Variants in CDH1 observed in about 807,000 individuals in gnomAD.
The protein encoded by CDH1 is cadherin-1.
In CDH1, 35 loss-of-function variants were observed where a neutral mutation model predicts 84.5. The observed-to-expected ratio is 0.41, with a 90% CI of 0.32 to 0.55. CDH1 has a LOEUF of 0.55. Among genes scored for constraint, CDH1 ranks in the 20% least tolerant of loss-of-function variants. CDH1 has a pLI of 0.19. For synonymous variants in CDH1, 417 were observed against 439.0 expected (o/e 0.95, Z 0.63); for missense variants, 994 against 1,126.6 (o/e 0.88, Z 1.68).
At chr16:68,763,372 A>T (rs1292805290) in intron 2 of CDH1, 1 of 152,290 alleles carries the variant, frequency 6.6e-6, no homozygotes, top group Non-Finnish European at 1.5e-5. Context: ...GGAAAATGGG[A>T]CAGGAGCCTT....
In CDH1 at chr16:68,737,449, C is replaced by T. The variant is rs781696878; in HGVS notation, c.34C>T (p.Leu12=). Reference sequence around the variant, plus strand: ...TTGGAGCCGCAGCCTCTCGGCGCTGCTGCTGCTGCTGCAGGTACCCCGGAT... The same window carrying T: ...TTGGAGCCGCAGCCTCTCGGCGCTGTTGCTGCTGCTGCAGGTACCCCGGAT... ...GPWSRSLSAL[L]LLLQVSSWLC... The change falls in exon 1 of 16, where the codon CTG becomes TTG. Residue 12 remains leucine, a synonymous_variant. Coordinates refer to ENST00000261769, the MANE Select transcript of CDH1 (RefSeq NM_004360.5). 5.2e-6 allele frequency: 8 copies of T among 1,535,908 alleles called. No homozygotes were observed. Among genetic ancestry groups the T allele is most frequent in the South Asian group, 2.4e-5 (2 of 83,980 alleles).
At chr16:68,832,586 G>A (rs1261700187) in intron 15 of CDH1, among the ~76,000 whole-genome samples, 2 of 152,108 alleles carry the variant, frequency 1.3e-5, no homozygotes, top group East Asian at 1.9e-4. Flanking sequence ...TTGGGAGGCC[G>A]AGGCAGGTGG....
chr16:68,818,260 G>GA (rs993742961), intron 10 of CDH1, among the ~76,000 whole-genome samples: 12 of 142,112 alleles, frequency 8.4e-5, no homozygotes, highest in South Asian at 2.2e-4. Flanking sequence ...AAAAAGAAAA[G>GA]AAAAAAAAAG....
chr16:68,810,145 C>T (rs1960777392), intron 5 of CDH1, 52 bp from the exon 6 acceptor site: 1 of 1,609,366 alleles, frequency 6.2e-7, no homozygotes, highest in African/African-American at 1.3e-5. Flanking sequence ...GCCCCTTCTC[C>T]CATGTTTTCT....
In CDH1 at chr16:68,745,084, G is replaced by A. The variant is rs1035100276; in HGVS notation, c.163+6673G>A. 3.3e-5 allele frequency among the ~76,000 whole-genome samples: 5 copies of A among 152,186 alleles called. No homozygotes were observed. In the East Asian group the frequency reaches 9.7e-4, roughly 29 times the overall value. On this transcript the variant is annotated intron_variant, in intron 2 of 15. Coordinates refer to ENST00000261769, the MANE Select transcript of CDH1 (RefSeq NM_004360.5). ...GGCTTAGGAAAGGGGACCTGCTCGT[G>A]GAGGTTGTGTAGAACTGGAGTGGGA...
intron 2 of CDH1, among the ~76,000 whole-genome samples, chr16:68,751,133 T>C (rs747728213): frequency 6.6e-6 from 1 of 152,172 alleles, no homozygotes; most frequent in African/African-American, 2.4e-5. Flanking sequence ...TCAGAGTTGA[T>C]GGTTTTTAAA....
intron 2 of CDH1, among the ~76,000 whole-genome samples, chr16:68,768,906 C>T (rs187876201): frequency 5.9e-5 from 9 of 152,298 alleles, no homozygotes; most frequent in African/African-American, 2.2e-4. Context: ...GTTCCCTGTG[C>T]CCAGAGCACC....
At chr16:68,745,702 C>G (rs1962720713) in intron 2 of CDH1, among the ~76,000 whole-genome samples, 1 of 150,884 alleles carries the variant, frequency 6.6e-6, no homozygotes, top group South Asian at 2.1e-4. Context: ...CTGTCCCAGC[C>G]CCTGAGATCC....
intron 6 of CDH1, 32 bp downstream of exon 6, chr16:68,810,373 G>A (rs1393271145): frequency 6.2e-7 from 1 of 1,605,838 alleles, no homozygotes; most frequent in Admixed American, 1.7e-5. Flanking sequence ...TGAATACTCA[G>A]AAAGACTCTT....
chr16:68,828,406 G>C (rs1961387077), intron 14 of CDH1, 102 bp downstream of exon 14: 2 of 1,245,016 alleles, frequency 1.6e-6, no homozygotes, highest in East Asian at 4.7e-5. Flanking sequence ...AATCACTTTG[G>C]ATATTATCTT....
intron 2 of CDH1, among the ~76,000 whole-genome samples, chr16:68,743,302 T>A (rs913640194): frequency 1.5e-4 from 2 of 13,142 alleles, no homozygotes; most frequent in Admixed American, 6.6e-4. Flanking sequence ...TTTCTTTCTT[T>A]CTTTCTTTCT....
chr16:68,766,852 C>T (rs1247440762), intron 2 of CDH1, among the ~76,000 whole-genome samples: 2 of 151,994 alleles, frequency 1.3e-5, no homozygotes, highest in South Asian at 2.1e-4. Context: ...CTCAGCCTCC[C>T]GAGTAGCTGG....
chr16:68,743,359 C>CTTTTTCT (rs373698881), intron 2 of CDH1, among the ~76,000 whole-genome samples: 2 of 55,574 alleles, frequency 3.6e-5, no homozygotes, highest in African/African-American at 1.5e-4. Flanking sequence ...TTCTTTCTTT[C>CTTTTTCT]TTTCTTTTCT....
At position 68,833,742 on chromosome 16, in the gene CDH1, G is replaced by A. The variant is rs1201388292; in HGVS notation, c.*243G>A. ...TTTTCCCATCACTCTTTACATGGTG[G>A]TGATGTCCAAAAGATACCCAAATTT... is the stretch of plus-strand genomic sequence containing the variant. On this transcript the variant is annotated 3_prime_UTR_variant, in exon 16 of 16. Transcript: ENST00000261769. 7.6e-6 allele frequency: 4 copies of A among 527,284 alleles called. No homozygotes were observed. Among genetic ancestry groups the A allele is most frequent in the Admixed American group, 3.2e-5 (1 of 31,364 alleles). The allele number at this position is 527,284 out of a possible 1,614,324, so 32.7% of individuals were successfully genotyped here.
chr16:68,784,140 T>A (rs1381396654), intron 2 of CDH1, among the ~76,000 whole-genome samples: 3 of 152,130 alleles, frequency 2.0e-5, no homozygotes, highest in African/African-American at 7.2e-5. Context: ...CTCTGTGAGA[T>A]GAAGTCCTAA....
intron 6 of CDH1, 139 bp from the exon 7 acceptor site, chr16:68,811,545 T>C (rs760102638): frequency 1.9e-5 from 14 of 737,092 alleles, no homozygotes; most frequent in Non-Finnish European, 3.1e-5. Flanking sequence ...TGGTAAGAAT[T>C]CTAGGAATTA....
At chr16:68,748,558 C>T (rs1339508581) in intron 2 of CDH1, among the ~76,000 whole-genome samples, 1 of 152,180 alleles carries the variant, frequency 6.6e-6, no homozygotes, top group East Asian at 1.9e-4. Context: ...TGGGTAGTGT[C>T]CTATCTTTTA....
intron 2 of CDH1, among the ~76,000 whole-genome samples, chr16:68,745,747 A>G (rs924438789): frequency 5.3e-5 from 8 of 151,762 alleles, no homozygotes; most frequent in Admixed American, 3.3e-4. Context: ...AGGGCACTTC[A>G]TGCAGACTTG....
At chr16:68,742,109 G>A (rs951843814) in intron 2 of CDH1, among the ~76,000 whole-genome samples, 7 of 152,086 alleles carry the variant, frequency 4.6e-5, no homozygotes, top group African/African-American at 9.7e-5. Flanking sequence ...ACTCAGGCGC[G>A]GAAAAAAGAA....
Sources: gnomAD v4.1 joint callset for allele counts (sites outside exome capture counted in the v4.1 genomes callset) on GRCh38, gnomAD v4.1.1 for gene constraint, MANE v1.5 for transcripts, NCBI Gene and HGNC (gene_info 2026-07-23, HGNC 2026-07-21) for gene names.